Variants in FBXL17 observed in about 807,000 individuals in gnomAD.
FBXL17 encodes the protein F-box/LRR-repeat protein 17.
Under a neutral mutation model 66.2 loss-of-function variants are expected in FBXL17, and 22 were observed. That is an observed-to-expected ratio of 0.33 (90% CI 0.24 to 0.47). FBXL17 has a LOEUF of 0.47. Ranked by LOEUF, FBXL17 falls within the 20% of genes least tolerant of loss-of-function variation. The pLI, the probability that FBXL17 is intolerant of heterozygous loss-of-function variation, is 1.00. For synonymous variants in FBXL17, 474 were observed against 400.5 expected (o/e 1.18, Z -2.19); for missense variants, 878 against 948.2 (o/e 0.93, Z 0.97).
chr5:108,368,280 C>CTGTT (rs1311992176), intron 1 of FBXL17, among the ~76,000 whole-genome samples: 1 of 150,408 alleles, frequency 6.6e-6, no homozygotes, highest in Middle Eastern at 3.2e-3. Context: ...AAAAAAAAAA[C>CTGTT]TGTTTACCTT....
chr5:108,090,773 C>A (rs945148792), intron 6 of FBXL17, among the ~76,000 whole-genome samples: 1 of 152,000 alleles, frequency 6.6e-6, no homozygotes, highest in Admixed American at 6.6e-5. Context: ...CCAGATTTGG[C>A]CAATGGACTA....
chr5:107,988,416 A>G (rs1484668022), intron 7 of FBXL17, among the ~76,000 whole-genome samples: 1 of 152,040 alleles, frequency 6.6e-6, no homozygotes, highest in Non-Finnish European at 1.5e-5. Context: ...TAACACTTTC[A>G]TAAGCAAAAT....
At chr5:107,890,644 A>G (rs1749168405) in intron 7 of FBXL17, among the ~76,000 whole-genome samples, 1 of 151,070 alleles carries the variant, frequency 6.6e-6, no homozygotes, top group Non-Finnish European at 1.5e-5. Flanking sequence ...AGCCTGGGAG[A>G]AAGAGTGAGA....
intron 5 of FBXL17, among the ~76,000 whole-genome samples, chr5:108,218,997 A>T (rs1430655040): frequency 6.6e-6 from 1 of 152,162 alleles, no homozygotes; most frequent in Non-Finnish European, 1.5e-5. Context: ...ATAAACTCTA[A>T]TTAGGTCATG....
chr5:107,985,934 T>G (rs72798109), intron 7 of FBXL17, among the ~76,000 whole-genome samples: 3,105 of 152,298 alleles, frequency 0.02, 52 homozygotes, highest in Non-Finnish European at 0.028. Context: ...GGGCTATGTG[T>G]ACAGGGTTTC....
intron 6 of FBXL17, among the ~76,000 whole-genome samples, chr5:108,045,677 C>G (rs1045676256): frequency 6.6e-6 from 1 of 151,936 alleles, no homozygotes; most frequent in Non-Finnish European, 1.5e-5. Flanking sequence ...CAATTTAGTC[C>G]AATATATTTT....
chr5:108,313,192 AATG>A (rs1194188333), intron 4 of FBXL17, among the ~76,000 whole-genome samples: 10 of 152,114 alleles, frequency 6.6e-5, no homozygotes, highest in Admixed American at 6.6e-4. Flanking sequence ...CTACCTGATG[AATG>A]ACCTTTCCAA....
chr5:107,886,819 A>T (rs757347432), intron 7 of FBXL17, among the ~76,000 whole-genome samples: 1 of 152,076 alleles, frequency 6.6e-6, no homozygotes, highest in South Asian at 2.1e-4. Flanking sequence ...AATAACTTCA[A>T]TGTACTTAGA....
At chr5:107,933,077 T>TA (rs1474028042) in intron 7 of FBXL17, among the ~76,000 whole-genome samples, 1 of 152,148 alleles carries the variant, frequency 6.6e-6, no homozygotes, top group South Asian at 2.1e-4. Context: ...CATGTCACTT[T>TA]AAAAAAGTTC....
intron 7 of FBXL17, among the ~76,000 whole-genome samples, chr5:107,911,018 T>C (rs1365674913): frequency 6.6e-6 from 1 of 152,058 alleles, no homozygotes; most frequent in Non-Finnish European, 1.5e-5. Context: ...CCCCTAAAAA[T>C]ACCAACATGA....
chr5:108,292,593 A>C (rs1758158434), intron 4 of FBXL17, among the ~76,000 whole-genome samples: 1 of 152,142 alleles, frequency 6.6e-6, no homozygotes, highest in South Asian at 2.1e-4. Context: ...AATCTTTATA[A>C]ACTAGCTGAG....
chr5:108,191,729 T>C (rs1471972754), intron 5 of FBXL17, among the ~76,000 whole-genome samples: 1 of 152,220 alleles, frequency 6.6e-6, no homozygotes, highest in Non-Finnish European at 1.5e-5. Context: ...TAAGGTAGAC[T>C]AGATGACGGA....
chr5:108,126,651 C>CATATATATATA (rs1750717728), intron 6 of FBXL17, among the ~76,000 whole-genome samples: 1 of 108,054 alleles, frequency 9.3e-6, no homozygotes, highest in Admixed American at 9.5e-5. Flanking sequence ...CTCTCTCTCT[C>CATATATATATA]TATATATATA....
At chr5:107,977,104 G>A (rs770125061) in intron 7 of FBXL17, among the ~76,000 whole-genome samples, 25 of 152,134 alleles carry the variant, frequency 1.6e-4, no homozygotes, top group Non-Finnish European at 2.5e-4. Context: ...GCAAGCAGGA[G>A]CTAAGTTTTA....
At chr5:107,868,865 GAAGA>G (rs1748360325) in intron 8 of FBXL17, among the ~76,000 whole-genome samples, 1 of 151,882 alleles carries the variant, frequency 6.6e-6, no homozygotes, top group Non-Finnish European at 1.5e-5. Flanking sequence ...ATTTTTCAGA[GAAGA>G]AAGGAAACCA....
chr5:108,030,883 T>C lies in FBXL17; in HGVS notation c.1746-9882A>G, dbSNP rs78000316. Among the ~76,000 whole-genome samples, 572 of 152,266 alleles carry C rather than the reference T, an allele frequency of 3.8e-3. 6 individuals are homozygous for C. Among genetic ancestry groups the C allele is most frequent in the African/African-American group, 0.013 (555 of 41,562 alleles). On this transcript the variant is annotated intron_variant, in intron 6 of 8. Coordinates refer to ENST00000542267, the MANE Select transcript of FBXL17 (RefSeq NM_001163315.3). ...GCTTCTATAGGTCGTGAGGGCATCA[T>C]GAATTCCATCCTGGTAATGACAGAA...
intron 4 of FBXL17, among the ~76,000 whole-genome samples, chr5:108,226,589 G>T (rs542702286): frequency 1.4e-4 from 21 of 152,098 alleles, no homozygotes; most frequent in Non-Finnish European, 2.5e-4. Flanking sequence ...ACTTGACTAT[G>T]CCATGGGGTG....
chr5:108,380,906 G>C lies in FBXL17; in HGVS notation c.786C>G (p.Pro262=), dbSNP rs531064681. ...GGGCACCTTCGGAGGTGGGAGAAGAGGGCGGAGGGCAGAGCGGCTGCGGGG... is the reference window on the plus strand; with the variant it reads ...GGGCACCTTCGGAGGTGGGAGAAGACGGCGGAGGGCAGAGCGGCTGCGGGG... The part of the protein sequence containing the change: ...EQPPQPLCPP[P]SSPTSEGAPT... The change falls in exon 1 of 9, where the codon CCC becomes CCG. Residue 262 remains proline, a synonymous_variant. Transcript: ENST00000542267. The C allele has an allele frequency of 8.1e-7, 1 of 1,230,998 alleles. No individual in the cohort carries two copies. Among genetic ancestry groups the C allele is most frequent in the African/African-American group, 1.6e-5 (1 of 64,282 alleles). The allele number at this position is 1,230,998 out of a possible 1,614,324, so 76.3% of individuals were successfully genotyped here.
At chr5:108,374,361 A>G (rs1050539329) in intron 1 of FBXL17, among the ~76,000 whole-genome samples, 1 of 152,182 alleles carries the variant, frequency 6.6e-6, no homozygotes, top group Non-Finnish European at 1.5e-5. Flanking sequence ...TCCAATGACA[A>G]TGAAAGGAAA....
Sources: allele counts gnomAD v4.1 joint callset (sites outside exome capture counted in the v4.1 genomes callset), GRCh38; gene constraint gnomAD v4.1.1; transcripts MANE v1.5; gene names NCBI Gene and HGNC (gene_info 2026-07-23, HGNC 2026-07-21).